Variants in TFR2 observed in about 807,000 individuals in gnomAD.
The protein encoded by TFR2 is transferrin receptor protein 2.
A neutral mutation model predicts 91.9 loss-of-function variants in TFR2; 64 were observed. The observed-to-expected ratio is 0.70, with a 90% confidence interval of 0.57 to 0.86. TFR2 has a LOEUF of 0.86. TFR2 is among the 40% of genes least tolerant of loss of function. The pLI is 0.00. For missense variants in TFR2, 950 were observed against 1,080.5 expected, an observed-to-expected ratio of 0.88 and a Z score of 1.69; for synonymous variants, 454 against 459.6, an observed-to-expected ratio of 0.99 and a Z score of 0.15.
At chr7:100,630,590 C>T (rs1239708259) in intron 9 of TFR2, among the ~76,000 whole-genome samples, 1 of 152,182 alleles carries the variant, frequency 6.6e-6, no homozygotes, top group Non-Finnish European at 1.5e-5. Flanking sequence ...ACACCCGGCC[C>T]ATGCTTGAGT....
Position 100,631,947 on chromosome 7 carries a change from T to A in TFR2, c.967-2A>T. ...GGGGTCTCCAGTTCCCAGGTGCACC[T>A]GCAGGGAAAGGGGTGCCCACGCAAA... is the stretch of plus-strand genomic sequence containing the variant. On this transcript the variant is annotated splice_acceptor_variant, in intron 7 of 17. Transcript: ENST00000223051. LOFTEE classifies it high-confidence loss of function. 2 of 1,613,968 alleles carry A rather than the reference T, an allele frequency of 1.2e-6. No homozygotes were observed. Among genetic ancestry groups the A allele is most frequent in the Non-Finnish European group, 1.7e-6 (2 of 1,179,932 alleles).
intron 17 of TFR2, among the ~76,000 whole-genome samples, chr7:100,622,925 C>G (rs950327621): frequency 6.6e-6 from 1 of 151,228 alleles, no homozygotes; most frequent in African/African-American, 2.4e-5. Context: ...TGCCACTGCC[C>G]TCCAGCCTGG....
chr7:100,628,124 C>G lies in TFR2; in HGVS notation c.1486G>C (p.Val496Leu), dbSNP rs777532178. The G allele has an allele frequency of 4.3e-6, 7 of 1,613,996 alleles. No homozygotes were observed. In the African/African-American group the frequency reaches 9.3e-5, roughly 22 times the overall value. The change falls in exon 12 of 18, where the codon GTG becomes CTG. Residue 496 changes from valine (V) to leucine (L), a missense_variant. Physicochemically the swap from Val to Leu is conservative, Grantham distance 32. Transcript: ENST00000223051. ...TACACTACGGCTTTGAGGTGCAGCA[C>G]GCTGAGGTAGCCCTGTGGGTGGGTG... is the stretch of plus-strand genomic sequence containing the variant. ...STEWLEGYLS[V>L]LHLKAVVYVS...
intron 4 of TFR2, 28 bp from the exon 5 acceptor site, chr7:100,633,368 G>A (rs745475672): frequency 6.2e-6 from 10 of 1,609,144 alleles, no homozygotes; most frequent in Middle Eastern, 3.4e-4. Context: ...TGAGCGCCCC[G>A]AGCCGCGTCC....
At chr7:100,633,605 G>A in intron 3 of TFR2, 49 bp from the exon 4 acceptor site, 1 of 1,564,462 alleles carries the variant, frequency 6.4e-7, no homozygotes, top group Non-Finnish European at 8.6e-7. Context: ...AGGAGAGGGA[G>A]GGAAGAGGGA....
At chr7:100,638,893 C>G (rs1030786077) in intron 3 of TFR2, among the ~76,000 whole-genome samples, 1 of 152,002 alleles carries the variant, frequency 6.6e-6, no homozygotes, top group Admixed American at 6.6e-5. Flanking sequence ...GTCTGGGTGA[C>G]AGTGAGGCCC....
intron 8 of TFR2, 150 bp downstream of exon 8, chr7:100,631,656 C>A: frequency 9.3e-7 from 1 of 1,077,098 alleles, no homozygotes; most frequent in Non-Finnish European, 1.3e-6. Context: ...CTCTCTGTCT[C>A]CCAGGCTGGA....
Position 100,633,402 on chromosome 7 carries a change from G to C in TFR2, c.614+14C>G. ...CCCCCTCCCCGCGCGCCCCCCGCCC[G>C]CGCGCGCACTCACGGATCCGGGAAT... On this transcript the variant is annotated intron_variant, in intron 4 of 17. Coordinates refer to ENST00000223051, the MANE Select transcript of TFR2 (RefSeq NM_003227.4). 2 of 1,604,946 alleles carry C rather than the reference G, an allele frequency of 1.2e-6. No individual in the cohort carries two copies. Among genetic ancestry groups the C allele is most frequent in the Non-Finnish European group, 1.7e-6 (2 of 1,175,740 alleles).
intron 17 of TFR2, among the ~76,000 whole-genome samples, chr7:100,622,538 T>C (rs1803138398): frequency 2.0e-5 from 3 of 152,200 alleles, no homozygotes; most frequent in Admixed American, 1.3e-4. Flanking sequence ...TTCCACTTAC[T>C]AACTATATGA....
At chr7:100,641,315 G>A in intron 1 of TFR2, 87 bp from the exon 2 acceptor site, 1 of 1,491,836 alleles carries the variant, frequency 6.7e-7, no homozygotes, top group Non-Finnish European at 9.0e-7. Context: ...GTGACTTGGG[G>A]GTGTCAAATG....
At chr7:100,629,416 G>C (rs776917443) in intron 9 of TFR2, 44 bp from the exon 10 acceptor site, 1 of 1,611,060 alleles carries the variant, frequency 6.2e-7, no homozygotes, top group Admixed American at 1.7e-5. Flanking sequence ...ACTGCACCCT[G>C]CACCCTGGGG....
intron 9 of TFR2, among the ~76,000 whole-genome samples, chr7:100,629,929 G>T (rs951854662): frequency 6.6e-6 from 1 of 152,048 alleles, no homozygotes; most frequent in Admixed American, 6.6e-5. Flanking sequence ...TGTATTTTTA[G>T]TAGACAGGGT....
At position 100,633,074 on chromosome 7, in the gene TFR2, A is replaced by G; in HGVS notation, c.776T>C (p.Leu259Pro). The change falls in exon 6 of 18, where the codon CTG (leucine) becomes CCG (proline). Residue 259 changes from leucine to proline, a missense_variant. Coordinates refer to ENST00000223051, the MANE Select transcript of TFR2 (RefSeq NM_003227.4). ...HYGRPEDLQD[L>P]RARGVDPVGR... The stretch of plus-strand genomic sequence containing the variant: ...CACTGGATCCACGCCCCTGGCCCGC[A>G]GGTCCTGCAGGTCTTCGGGCCGCCC... 1 of 1,613,538 alleles carries G rather than the reference A, an allele frequency of 6.2e-7. No individual in the cohort carries two copies. The highest frequency in any genetic ancestry group is 8.5e-7 in the Non-Finnish European group (1 of 1,179,960).
chr7:100,638,057 G>A (rs1032225680), intron 3 of TFR2, among the ~76,000 whole-genome samples: 2 of 151,906 alleles, frequency 1.3e-5, no homozygotes, highest in Admixed American at 1.3e-4. Flanking sequence ...AGGCTGGAGT[G>A]CAGTGGCGCG....
At chr7:100,630,180 C>A (rs1332907725) in intron 9 of TFR2, among the ~76,000 whole-genome samples, 2 of 151,968 alleles carry the variant, frequency 1.3e-5, no homozygotes, top group African/African-American at 2.4e-5. Flanking sequence ...CTAATCTGAT[C>A]TGATCTTTCT....
At chr7:100,631,495 G>A (rs1803433157) in intron 8 of TFR2, 3 of 326,294 alleles carry the variant, frequency 9.2e-6, no homozygotes, top group Admixed American at 4.4e-5. Context: ...TGGTGGGGGG[G>A]CACCTGTAAT....
chr7:100,634,090 C>T (rs1405445400), intron 3 of TFR2, among the ~76,000 whole-genome samples: 2 of 151,774 alleles, frequency 1.3e-5, no homozygotes, highest in African/African-American at 4.8e-5. Context: ...ACCTGACTTC[C>T]CATAGCTGGG....
chr7:100,640,514 A>T, intron 3 of TFR2, 172 bp downstream of exon 3: 1 of 718,624 alleles, frequency 1.4e-6, no homozygotes, highest in East Asian at 2.7e-5. Context: ...CTCAGCTCCG[A>T]ATGCCTGCCA....
chr7:100,628,963 A>G (rs948535572), intron 10 of TFR2, among the ~76,000 whole-genome samples: 1 of 152,064 alleles, frequency 6.6e-6, no homozygotes, highest in Middle Eastern at 3.4e-3. Flanking sequence ...GGGTTTCACC[A>G]TGTTGGCTAG....
Sources: allele counts gnomAD v4.1 joint callset (sites outside exome capture counted in the v4.1 genomes callset), GRCh38; gene constraint gnomAD v4.1.1; transcripts MANE v1.5; gene names NCBI Gene and HGNC (gene_info 2026-07-23, HGNC 2026-07-21).